STAB2: variants seen among roughly 807,000 people sequenced by gnomAD.
STAB2 encodes the protein stabilin 2.
Under a neutral mutation model 338.1 loss-of-function variants are expected in STAB2, and 288 were observed. The observed-to-expected ratio is 0.85, with a 90% confidence interval of 0.77 to 0.94. The LOEUF is 0.94. STAB2 is among the 40% of genes least tolerant of loss of function. The pLI is 0.00. For missense variants in STAB2, 3,141 were observed against 3,210.1 expected, an observed-to-expected ratio of 0.98 and a Z score of 0.52; for synonymous variants, 1,202 against 1,193.3, an observed-to-expected ratio of 1.01 and a Z score of -0.15.
chr12:103,637,090 T>C (rs1453511402), intron 6 of STAB2, 21 bp from the exon 7 acceptor site: 4 of 1,588,710 alleles, frequency 2.5e-6, no homozygotes, highest in South Asian at 1.2e-5. Context: ...ATGCAAGTAC[T>C]TCAACAATTT....
chr12:103,623,775 A>G (rs957019499), intron 5 of STAB2, among the ~76,000 whole-genome samples: 1 of 152,152 alleles, frequency 6.6e-6, no homozygotes, highest in Non-Finnish European at 1.5e-5. Context: ...GAATTAATAT[A>G]CATAGTCAAG....
intron 46 of STAB2, 62 bp from the exon 47 acceptor site, chr12:103,727,205 T>G: frequency 1.3e-6 from 2 of 1,580,146 alleles, no homozygotes; most frequent in Non-Finnish European, 1.7e-6. Context: ...GGTATTAGTT[T>G]GAGCCCCGGC....
intron 27 of STAB2, 114 bp from the exon 28 acceptor site, chr12:103,688,054 C>T (rs940413401): frequency 1.2e-4 from 115 of 999,744 alleles, no homozygotes; most frequent in Non-Finnish European, 6.6e-5. Context: ...CGAGCCTAGC[C>T]CCAGGAAGGC....
chr12:103,589,780 G>A (rs1956768601), intron 1 of STAB2, among the ~76,000 whole-genome samples: 1 of 152,182 alleles, frequency 6.6e-6, no homozygotes, highest in Admixed American at 6.5e-5. Context: ...GCACAAAGGT[G>A]AGTGAAGAGT....
chr12:103,712,535 C>A, intron 41 of STAB2, 92 bp downstream of exon 41: 2 of 933,458 alleles, frequency 2.1e-6, no homozygotes, highest in South Asian at 1.3e-5. Context: ...TGGGCCTCAG[C>A]AGCTGGTGCC....
chr12:103,675,865 C>A, intron 23 of STAB2, 63 bp from the exon 24 acceptor site: 1 of 1,343,262 alleles, frequency 7.4e-7, no homozygotes, highest in Non-Finnish European at 1.0e-6. Flanking sequence ...CTCTAGCTGG[C>A]TGGCTCTCTT....
At chr12:103,589,253 A>G (rs1160194415) in intron 1 of STAB2, among the ~76,000 whole-genome samples, 1 of 152,166 alleles carries the variant, frequency 6.6e-6, no homozygotes, top group African/African-American at 2.4e-5. Context: ...CGACCAACCT[A>G]TTATTAGGCC....
chr12:103,726,301 G>A (rs1208324952), intron 46 of STAB2, 138 bp downstream of exon 46: 4 of 769,126 alleles, frequency 5.2e-6, no homozygotes, highest in Non-Finnish European at 8.5e-6. Context: ...CCAGTCTGGG[G>A]AACATGGCAA....
chr12:103,603,102 G>A (rs538502230), intron 3 of STAB2, among the ~76,000 whole-genome samples: 23 of 151,858 alleles, frequency 1.5e-4, no homozygotes, highest in Admixed American at 2.6e-4. Flanking sequence ...ATGGAGTCTC[G>A]CTCTGTTGCC....
chr12:103,587,491 T>C lies in STAB2; in HGVS notation c.15T>C (p.His5=). The change falls in exon 1 of 69, where the codon CAT becomes CAC. Residue 5 remains histidine, a synonymous_variant. Coordinates refer to ENST00000388887, the MANE Select transcript of STAB2 (RefSeq NM_017564.10). ...AATATTTCCTCATGATGCTACAACATTTAGTAATTTTTTGTCTTGGATTGG... is the reference window on the plus strand; with the variant it reads ...AATATTTCCTCATGATGCTACAACACTTAGTAATTTTTTGTCTTGGATTGG... MMLQ[H]LVIFCLGLVV... 6.2e-7 allele frequency: 1 copy of C among 1,613,938 alleles called. No homozygotes were observed. Among genetic ancestry groups the C allele is most frequent in the South Asian group, 1.1e-5 (1 of 91,058 alleles).
intron 3 of STAB2, among the ~76,000 whole-genome samples, chr12:103,606,350 T>A (rs1957027344): frequency 6.6e-6 from 1 of 152,176 alleles, no homozygotes; most frequent in Admixed American, 6.5e-5. Flanking sequence ...TTGTTACCAA[T>A]TTTTCCTTAA....
intron 35 of STAB2, among the ~76,000 whole-genome samples, chr12:103,703,560 G>A (rs912411419): frequency 7.2e-5 from 11 of 152,138 alleles, no homozygotes; most frequent in African/African-American, 2.2e-4. Context: ...GGGGAGTGGT[G>A]TGCTGTGTTG....
intron 3 of STAB2, among the ~76,000 whole-genome samples, chr12:103,605,882 G>C (rs1307157640): frequency 6.6e-6 from 1 of 151,814 alleles, no homozygotes; most frequent in Non-Finnish European, 1.5e-5. Flanking sequence ...GCAGCATATA[G>C]TTAGGGTCTC....
At chr12:103,646,838 A>G (rs1030942122) in intron 9 of STAB2, among the ~76,000 whole-genome samples, 2 of 152,194 alleles carry the variant, frequency 1.3e-5, no homozygotes, top group African/African-American at 2.4e-5. Flanking sequence ...AGAAGAGACA[A>G]TGTCTCCAGA....
chr12:103,603,067 T>TTTGTA (rs1303253276), intron 3 of STAB2, among the ~76,000 whole-genome samples: 1 of 152,076 alleles, frequency 6.6e-6, no homozygotes, highest in Non-Finnish European at 1.5e-5. Context: ...TTTTTTTGTT[T>TTTGTA]TTGTTTTGTT....
At position 103,695,847 on chromosome 12, in the gene STAB2, A is replaced by G; in HGVS notation, c.3582+3A>G. On this transcript the variant is annotated splice_donor_region_variant and intron_variant, in intron 33 of 68. Coordinates refer to ENST00000388887, the MANE Select transcript of STAB2 (RefSeq NM_017564.10). The stretch of plus-strand genomic sequence containing the variant: ...GGGAGAAGAAAGTCTTGTCTCTAGT[A>G]AGTGTCAAGAACTATAACTAGGGAA... 6.2e-7 allele frequency: 1 copy of G among 1,612,770 alleles called. No individual in the cohort carries two copies. Among genetic ancestry groups the G allele is most frequent in the Non-Finnish European group, 8.5e-7 (1 of 1,178,730 alleles).
intron 9 of STAB2, among the ~76,000 whole-genome samples, chr12:103,645,899 G>T (rs753470711): frequency 9.2e-5 from 14 of 151,752 alleles, no homozygotes; most frequent in East Asian, 3.9e-4. Flanking sequence ...GGGGAGGGGG[G>T]GCAAAATTGC....
At chr12:103,614,895 C>G (rs1957185454) in intron 3 of STAB2, among the ~76,000 whole-genome samples, 1 of 152,208 alleles carries the variant, frequency 6.6e-6, no homozygotes, top group African/African-American at 2.4e-5. Flanking sequence ...ATGTTCTTTC[C>G]TGAGTCTTAC....
intron 44 of STAB2, among the ~76,000 whole-genome samples, chr12:103,722,279 T>C (rs1880829498): frequency 6.6e-6 from 1 of 152,186 alleles, no homozygotes; most frequent in Non-Finnish European, 1.5e-5. Context: ...AAACCACTTA[T>C]CAAGTATAGT....
Sources: allele counts gnomAD v4.1 joint callset (sites outside exome capture counted in the v4.1 genomes callset), GRCh38; gene constraint gnomAD v4.1.1; transcripts MANE v1.5; gene names NCBI Gene and HGNC (gene_info 2026-07-23, HGNC 2026-07-21).